Variants in FGF14 observed in about 807,000 individuals in gnomAD.
FGF14 encodes the protein fibroblast growth factor 14, also known as fibroblast growth factor homologous factor 4.
In FGF14, 5 loss-of-function variants were observed where a neutral mutation model predicts 25.5. The ratio of observed to expected loss-of-function variants is 0.20; its 90% CI spans 0.10 to 0.41. The LOEUF (loss-of-function observed/expected upper bound fraction) is 0.41, where lower values mean the gene tolerates loss of function less well. FGF14 is among the 10% of genes least tolerant of loss of function. The pLI, the probability that FGF14 is intolerant of heterozygous loss-of-function variation, is 1.00. For synonymous variants in FGF14, 138 were observed against 118.3 expected (o/e 1.17, Z -1.08); for missense variants, 222 against 320.1 (o/e 0.69, Z 2.34).
At chr13:101,786,876 G>T (rs1163311726) in intron 3 of FGF14, among the ~76,000 whole-genome samples, 1 of 152,116 alleles carries the variant, frequency 6.6e-6, no homozygotes, top group Non-Finnish European at 1.5e-5. Context: ...GGATGGTGTT[G>T]TGCCTTTTAA....
At chr13:102,319,515 TGCGCTATGGTGAGGCATGGCC>T (rs1212327913) in intron 1 of FGF14, among the ~76,000 whole-genome samples, 1 of 152,240 alleles carries the variant, frequency 6.6e-6, no homozygotes, top group African/African-American at 2.4e-5. Context: ...ACAGCATGGC[TGCGCTATGGTGAGGCATGGCC>T]AGTGGGAGGA....
intron 3 of FGF14, among the ~76,000 whole-genome samples, chr13:101,867,119 A>G (rs1279961906): frequency 6.6e-6 from 1 of 152,100 alleles, no homozygotes; most frequent in Non-Finnish European, 1.5e-5. Flanking sequence ...CCCTCATGAG[A>G]TCTGATTTCT....
intron 3 of FGF14, among the ~76,000 whole-genome samples, chr13:101,763,677 T>C (rs1440834516): frequency 2.0e-5 from 3 of 152,168 alleles, no homozygotes; most frequent in East Asian, 3.9e-4. Context: ...CTGACCAACA[T>C]GGTGAAACCC....
intron 1 of FGF14, among the ~76,000 whole-genome samples, chr13:102,095,990 T>TG (rs2044376491): frequency 1.2e-5 from 1 of 84,858 alleles, no homozygotes; most frequent in African/African-American, 3.3e-5. Flanking sequence ...TGTGTGTGTG[T>TG]GTGTGTGTGT....
chr13:101,965,899 T>C (rs2037162634), intron 1 of FGF14, among the ~76,000 whole-genome samples: 1 of 152,154 alleles, frequency 6.6e-6, no homozygotes, highest in African/African-American at 2.4e-5. Flanking sequence ...CTGAAAAGTG[T>C]CACTCCATAA....
chr13:102,231,017 A>G (rs576064995), intron 1 of FGF14, among the ~76,000 whole-genome samples: 5 of 152,322 alleles, frequency 3.3e-5, no homozygotes, highest in Admixed American at 3.3e-4. Flanking sequence ...GACGTGGGGT[A>G]TCTTGATTCA....
chr13:102,225,045 A>G lies in FGF14; in HGVS notation c.208+176426T>C, dbSNP rs114659968. Among the ~76,000 whole-genome samples the G allele has an allele frequency of 9.0e-3, 1,363 of 152,102 alleles. 23 individuals are homozygous for G. Among genetic ancestry groups the G allele is most frequent in the African/African-American group, 0.03 (1,250 of 41,510 alleles). ...GGTCACAGTCGCAGCCTCTCCCCAA[A>G]ACAGCACATGCTTCCCCACGTCTCA... On this transcript the variant is annotated intron_variant, in intron 1 of 4. Transcript: ENST00000376131.
At chr13:101,771,720 GT>G (rs960274111) in intron 3 of FGF14, among the ~76,000 whole-genome samples, 2 of 152,100 alleles carry the variant, frequency 1.3e-5, no homozygotes, top group African/African-American at 4.8e-5. Context: ...ACTTTCCGAA[GT>G]TTTTTCAACT....
intron 3 of FGF14, among the ~76,000 whole-genome samples, chr13:101,781,584 G>T (rs1486587520): frequency 6.6e-6 from 1 of 152,142 alleles, no homozygotes; most frequent in Non-Finnish European, 1.5e-5. Context: ...AAAATATGGA[G>T]TATCTTTCAT....
At chr13:102,160,123 C>G (rs2047553293) in intron 1 of FGF14, among the ~76,000 whole-genome samples, 1 of 152,090 alleles carries the variant, frequency 6.6e-6, no homozygotes. Context: ...ATGGGGGGCT[C>G]TAAGAAGGGA....
intron 1 of FGF14, among the ~76,000 whole-genome samples, chr13:102,172,462 T>C (rs749207839): frequency 2.0e-5 from 3 of 152,082 alleles, no homozygotes; most frequent in Non-Finnish European, 4.4e-5. Context: ...CTTAGTCTAG[T>C]CAGTAATGTA....
At chr13:101,881,381 T>C (rs988581491) in intron 1 of FGF14, among the ~76,000 whole-genome samples, 6 of 152,182 alleles carry the variant, frequency 3.9e-5, no homozygotes, top group Admixed American at 1.3e-4. Context: ...ATGGCCAAAA[T>C]ATCAAATCTA....
chr13:102,305,230 A>C (rs2055307879), intron 1 of FGF14, among the ~76,000 whole-genome samples: 1 of 152,168 alleles, frequency 6.6e-6, no homozygotes, highest in South Asian at 2.1e-4. Flanking sequence ...TTCTTCTGTC[A>C]GTAGAGCCCT....
intron 1 of FGF14, chr13:102,046,044 C>T (rs2041967617): frequency 6.5e-6 from 1 of 154,230 alleles, no homozygotes; most frequent in Non-Finnish European, 1.5e-5. Context: ...TTCTTAAGGA[C>T]TTTTGTCAAT....
chr13:101,843,975 A>G (rs1188863710), intron 3 of FGF14, among the ~76,000 whole-genome samples: 1 of 152,042 alleles, frequency 6.6e-6, no homozygotes, highest in South Asian at 2.1e-4. Flanking sequence ...ACCTAAAATT[A>G]ATCCATAGTG....
intron 3 of FGF14, among the ~76,000 whole-genome samples, chr13:101,752,716 T>C (rs2037369005): frequency 6.6e-6 from 1 of 152,204 alleles, no homozygotes; most frequent in African/African-American, 2.4e-5. Context: ...ATGTTCTCTC[T>C]ATTTTTTCCC....
intron 1 of FGF14, among the ~76,000 whole-genome samples, chr13:102,302,478 C>T (rs2055119748): frequency 1.3e-5 from 2 of 152,054 alleles, no homozygotes; most frequent in Admixed American, 1.3e-4. Flanking sequence ...CCAGGTGGAG[C>T]CATGGACTCA....
At chr13:102,022,314 G>C (rs1000142789) in intron 1 of FGF14, among the ~76,000 whole-genome samples, 1 of 152,076 alleles carries the variant, frequency 6.6e-6, no homozygotes, top group South Asian at 2.1e-4. Context: ...AATGAGAGGA[G>C]AGGGAACAAA....
intron 1 of FGF14, among the ~76,000 whole-genome samples, chr13:101,972,472 T>G (rs1179580454): frequency 6.6e-6 from 1 of 152,206 alleles, no homozygotes; most frequent in Non-Finnish European, 1.5e-5. Context: ...AAACACATTG[T>G]TACTGACTCA....
Sources: gnomAD v4.1 joint callset for allele counts (sites outside exome capture counted in the v4.1 genomes callset) on GRCh38, gnomAD v4.1.1 for gene constraint, MANE v1.5 for transcripts, NCBI Gene and HGNC (gene_info 2026-07-23, HGNC 2026-07-21) for gene names.